The following SERGEF variants were observed in gnomAD, a reference collection of about 807,000 sequenced individuals.
The protein encoded by SERGEF is secretion-regulating guanine nucleotide exchange factor.
In SERGEF, 51 loss-of-function variants were observed where a neutral mutation model predicts 50.0. The ratio of observed to expected loss-of-function variants is 1.02; its 90% CI spans 0.81 to 1.29. The LOEUF is 1.29. Among genes scored for constraint, SERGEF ranks in the 50% most tolerant of loss-of-function variants. The pLI, the probability that SERGEF is intolerant of heterozygous loss-of-function variation, is 0.00. For missense variants in SERGEF, 521 were observed against 557.0 expected, an observed-to-expected ratio of 0.94 and a Z score of 0.65; for synonymous variants, 205 against 212.4, an observed-to-expected ratio of 0.97 and a Z score of 0.30.
intron 10 of SERGEF, among the ~76,000 whole-genome samples, chr11:17,805,691 G>T (rs1490904184): frequency 6.6e-6 from 1 of 152,170 alleles, no homozygotes; most frequent in African/African-American, 2.4e-5. Flanking sequence ...GACCCTAAAA[G>T]CTTCATGCAG....
chr11:17,846,991 G>T (rs1850626276), intron 10 of SERGEF, among the ~76,000 whole-genome samples: 1 of 152,196 alleles, frequency 6.6e-6, no homozygotes, highest in Non-Finnish European at 1.5e-5. Flanking sequence ...GATTACAACT[G>T]CAGTCATGTG....
intron 8 of SERGEF, among the ~76,000 whole-genome samples, chr11:17,967,008 T>C (rs1197509810): frequency 1.2e-4 from 18 of 152,226 alleles, no homozygotes; most frequent in Non-Finnish European, 5.9e-5. Flanking sequence ...ACATAGCTAG[T>C]AAGTGGCACA....
intron 10 of SERGEF, among the ~76,000 whole-genome samples, chr11:17,797,729 G>A (rs756248468): frequency 3.3e-5 from 5 of 152,194 alleles, no homozygotes; most frequent in Non-Finnish European, 5.9e-5. Context: ...GTGAATGAAA[G>A]GACAAATGAA....
chr11:17,833,585 G>A (rs1441883207), intron 10 of SERGEF, among the ~76,000 whole-genome samples: 2 of 152,172 alleles, frequency 1.3e-5, no homozygotes, highest in African/African-American at 2.4e-5. Flanking sequence ...TGTGTGCTTG[G>A]AAAAGCTGCA....
intron 9 of SERGEF, among the ~76,000 whole-genome samples, chr11:17,949,464 G>A (rs1273659496): frequency 6.6e-6 from 1 of 151,990 alleles, no homozygotes. Flanking sequence ...AGGGGAATGA[G>A]CCACTCAGAA....
chr11:17,980,013 C>T (rs1460234943), intron 8 of SERGEF, among the ~76,000 whole-genome samples: 1 of 152,140 alleles, frequency 6.6e-6, no homozygotes, highest in Non-Finnish European at 1.5e-5. Context: ...ACTTCTACTC[C>T]AATTCACCCT....
At chr11:17,864,262 G>A (rs947368258) in intron 10 of SERGEF, among the ~76,000 whole-genome samples, 35 of 152,200 alleles carry the variant, frequency 2.3e-4, no homozygotes, top group Non-Finnish European at 4.6e-4. Flanking sequence ...GGTCAACCTT[G>A]TGCCTAAAAT....
intron 10 of SERGEF, among the ~76,000 whole-genome samples, chr11:17,873,954 CA>C (rs1405263645): frequency 6.6e-6 from 1 of 152,220 alleles, no homozygotes; most frequent in Non-Finnish European, 1.5e-5. Context: ...CCAATTCATC[CA>C]GACACAGAGG....
At chr11:17,890,795 C>A (rs1458491331) in intron 9 of SERGEF, among the ~76,000 whole-genome samples, 3 of 152,112 alleles carry the variant, frequency 2.0e-5, no homozygotes, top group South Asian at 4.2e-4. Flanking sequence ...AGGACTGAGG[C>A]AGGGAAAGTA....
intron 9 of SERGEF, among the ~76,000 whole-genome samples, chr11:17,924,065 G>A (rs1257976915): frequency 6.6e-6 from 1 of 152,210 alleles, no homozygotes; most frequent in Non-Finnish European, 1.5e-5. Flanking sequence ...GAAGAAATGA[G>A]TGAACTTATC....
At chr11:17,808,033 AAT>A (rs1283080374) in intron 10 of SERGEF, among the ~76,000 whole-genome samples, 1 of 152,002 alleles carries the variant, frequency 6.6e-6, no homozygotes, top group Non-Finnish European at 1.5e-5. Context: ...AGTGTCCCCT[AAT>A]CTGAGAGTTT....
chr11:17,925,856 T>C (rs188259113), intron 9 of SERGEF, among the ~76,000 whole-genome samples: 38 of 152,328 alleles, frequency 2.5e-4, no homozygotes, highest in African/African-American at 9.1e-4. Context: ...GTGTCAGCTG[T>C]ACCATTTACC....
chr11:17,919,343 G>A (rs761242342), intron 9 of SERGEF, among the ~76,000 whole-genome samples: 12 of 152,154 alleles, frequency 7.9e-5, no homozygotes, highest in Non-Finnish European at 1.8e-4. Flanking sequence ...GAGACCGGAA[G>A]CCTCAGATCT....
chr11:17,946,600 G>GCATT lies in SERGEF; in HGVS notation c.1011+12866_1011+12869dup, dbSNP rs1329132084. Among the ~76,000 whole-genome samples the GCATT allele has an allele frequency of 2.0e-5, 3 of 152,260 alleles. No individual in the cohort carries two copies. In the East Asian group the frequency reaches 5.8e-4, roughly 29 times the overall value. The stretch of plus-strand genomic sequence containing the variant: ...GTGCCAGGGGAGCAGAATGATAAAT[G>GCATT]CATTATACAGCAGTAACTACAGAAC... On this transcript the variant is annotated intron_variant, in intron 9 of 10. Transcript: ENST00000265965.
At chr11:17,871,857 C>CAATT (rs1367382938) in intron 10 of SERGEF, among the ~76,000 whole-genome samples, 1 of 152,136 alleles carries the variant, frequency 6.6e-6, no homozygotes, top group Non-Finnish European at 1.5e-5. Flanking sequence ...ATTGGTGCAA[C>CAATT]TACTTTAAAC....
intron 10 of SERGEF, among the ~76,000 whole-genome samples, chr11:17,817,959 AG>A (rs1185795769): frequency 6.6e-6 from 1 of 152,188 alleles, no homozygotes; most frequent in African/African-American, 2.4e-5. Context: ...GCCATCAGGA[AG>A]GCTCTTCCAG....
At chr11:17,987,521 G>T (rs1853625353) in intron 8 of SERGEF, among the ~76,000 whole-genome samples, 1 of 152,146 alleles carries the variant, frequency 6.6e-6, no homozygotes. Context: ...TCCTCCTAAT[G>T]AATGACACAC....
chr11:17,872,373 A>T (rs1851156159), intron 10 of SERGEF, among the ~76,000 whole-genome samples: 1 of 152,148 alleles, frequency 6.6e-6, no homozygotes, highest in Non-Finnish European at 1.5e-5. Context: ...AACCCTTAAG[A>T]TTTGTGAACT....
At chr11:17,905,685 A>T (rs1400069986) in intron 9 of SERGEF, among the ~76,000 whole-genome samples, 1 of 152,186 alleles carries the variant, frequency 6.6e-6, no homozygotes, top group Non-Finnish European at 1.5e-5. Flanking sequence ...GAAGAAGTGA[A>T]TGTTTTCAGA....
Sources: allele counts gnomAD v4.1 joint callset (sites outside exome capture counted in the v4.1 genomes callset), GRCh38; gene constraint gnomAD v4.1.1; transcripts MANE v1.5; gene names NCBI Gene and HGNC (gene_info 2026-07-23, HGNC 2026-07-21).